The following DIP2C variants were observed in gnomAD, a reference collection of about 807,000 sequenced individuals.
DIP2C encodes the protein DIP2 acetate--CoA ligase C (putative).
DIP2C carries 33 observed loss-of-function variants against 192.4 expected under a neutral mutation model. The ratio of observed to expected loss-of-function variants is 0.17; its 90% CI spans 0.13 to 0.23. The LOEUF is 0.23. Among genes scored for constraint, DIP2C ranks in the 10% least tolerant of loss-of-function variants. The pLI, the probability that DIP2C is intolerant of heterozygous loss-of-function variation, is 1.00. For missense variants in DIP2C, 1,537 were observed against 2,110.1 expected (o/e 0.73, Z 5.32); for synonymous variants, 979 against 864.1 (o/e 1.13, Z -2.33).
At chr10:355,214 G>A (rs1959022304) in intron 24 of DIP2C, among the ~76,000 whole-genome samples, 1 of 152,158 alleles carries the variant, frequency 6.6e-6, no homozygotes, top group Non-Finnish European at 1.5e-5. Context: ...CCTCTTCCTG[G>A]GAAACAGTCT....
rs916397633 is a variant in DIP2C at position 545,677 on chromosome 10, C to G, written c.86-59147G>C. ...GCCTCACAGTCTGCGGTGTCTGTTA[C>G]GGTACCCAGCAGACTGACAAAATGG... On this transcript the variant is annotated intron_variant, in intron 1 of 36. Transcript: ENST00000280886. Among the ~76,000 whole-genome samples the G allele has an allele frequency of 2.0e-5, 3 of 152,178 alleles. No individual in the cohort carries two copies. The South Asian group carries it at 6.2e-4, about 31-fold the overall frequency.
At chr10:327,268 T>A in intron 30 of DIP2C, 92 bp from the exon 31 acceptor site, 1 of 1,438,976 alleles carries the variant, frequency 6.9e-7, no homozygotes, top group Non-Finnish European at 9.2e-7. Context: ...CACGTAAACA[T>A]TGGAAAACTC....
intron 1 of DIP2C, among the ~76,000 whole-genome samples, chr10:576,366 A>G (rs1850157074): frequency 6.6e-6 from 1 of 152,208 alleles, no homozygotes; most frequent in African/African-American, 2.4e-5. Flanking sequence ...CAATGTTAAG[A>G]AGCGTTCAGG....
chr10:524,967 C>CA (rs10652748), intron 1 of DIP2C, among the ~76,000 whole-genome samples: 3,379 of 111,168 alleles, frequency 0.03, 254 homozygotes, highest in African/African-American at 0.1. Context: ...ATCACAATTT[C>CA]AAAAAAAAAA....
chr10:541,499 C>T (rs193038390), intron 1 of DIP2C, among the ~76,000 whole-genome samples: 2 of 135,048 alleles, frequency 1.5e-5, no homozygotes, highest in African/African-American at 5.6e-5. Flanking sequence ...CTGGATCCCA[C>T]AGCATGACCC....
chr10:375,523 T>C (rs1202168457), intron 17 of DIP2C, among the ~76,000 whole-genome samples: 1 of 152,232 alleles, frequency 6.6e-6, no homozygotes, highest in African/African-American at 2.4e-5. Context: ...GACCTTGCAA[T>C]GTGGCCTCAC....
Position 651,376 on chromosome 10 carries a change from A to C in DIP2C, c.85+38118T>G. On this transcript the variant is annotated intron_variant, in intron 1 of 36. Coordinates refer to ENST00000280886, the MANE Select transcript of DIP2C (RefSeq NM_014974.3). This position sits in a 1 kb window ranked among gnomAD's most constrained non-coding sequence, Gnocchi z 4.1. ...CCAGCACTGTGCTCAGGTCCCAGGG[A>C]GGCCCCAGCAAACTGTGGAACAACC... 1.4e-6 allele frequency: 1 copy of C among 701,794 alleles called. No individual in the cohort carries two copies. Among genetic ancestry groups the C allele is most frequent in the Non-Finnish European group, 2.6e-6 (1 of 384,698 alleles). 43.5% of individuals were successfully genotyped at this position (701,794 alleles called of 1,614,324 possible).
chr10:482,890 C>T (rs1843710611), intron 2 of DIP2C, among the ~76,000 whole-genome samples: 3 of 152,306 alleles, frequency 2.0e-5, no homozygotes, highest in East Asian at 1.9e-4. Context: ...AGGGTGAGAG[C>T]GAAGTGGGCA....
chr10:379,317 C>T (rs146646623), intron 17 of DIP2C, among the ~76,000 whole-genome samples: 1 of 151,448 alleles, frequency 6.6e-6, no homozygotes, highest in Non-Finnish European at 1.5e-5. Context: ...GTGCATCCTG[C>T]GTATTTATCA....
intron 1 of DIP2C, among the ~76,000 whole-genome samples, chr10:524,370 C>A (rs1189596193): frequency 1.2e-4 from 19 of 152,198 alleles, no homozygotes; most frequent in Admixed American, 1.2e-3. Flanking sequence ...TATTTAATTA[C>A]CTTCATGGTC....
intron 32 of DIP2C, among the ~76,000 whole-genome samples, chr10:297,603 T>A (rs1292413229): frequency 6.6e-6 from 1 of 152,124 alleles, no homozygotes; most frequent in South Asian, 2.1e-4. Context: ...TTCTCACTCA[T>A]ATGTGGAAGC....
chr10:323,303 C>T (rs1297743186), intron 31 of DIP2C, among the ~76,000 whole-genome samples: 1 of 96,828 alleles, frequency 1.0e-5, no homozygotes, highest in African/African-American at 4.1e-5. Flanking sequence ...TGCGGGGCTC[C>T]AGCGAGAGAC....
intron 1 of DIP2C, among the ~76,000 whole-genome samples, chr10:571,105 G>A (rs1422415044): frequency 1.3e-5 from 2 of 152,258 alleles, no homozygotes; most frequent in Non-Finnish European, 2.9e-5. Context: ...CGACTGCTCT[G>A]TAGAATGGAG....
chr10:624,859 T>C (rs1374772183), intron 1 of DIP2C, among the ~76,000 whole-genome samples: 1 of 150,894 alleles, frequency 6.6e-6, no homozygotes, highest in Non-Finnish European at 1.5e-5. Flanking sequence ...GAGGTGTGCA[T>C]GTGGCCGGGA....
intron 23 of DIP2C, 66 bp from the exon 24 acceptor site, chr10:356,572 G>A (rs1471475080): frequency 1.0e-5 from 14 of 1,379,030 alleles, no homozygotes. Context: ...GGCTGAGGTG[G>A]GGCAACCTGG....
At chr10:421,161 A>C (rs1474905002) in intron 5 of DIP2C, among the ~76,000 whole-genome samples, 1 of 152,176 alleles carries the variant, frequency 6.6e-6, no homozygotes, top group East Asian at 1.9e-4. Context: ...CTTTGTGCCT[A>C]ATTAGAAATT....
intron 3 of DIP2C, among the ~76,000 whole-genome samples, chr10:458,135 C>A (rs1190675392): frequency 6.6e-6 from 1 of 152,226 alleles, no homozygotes; most frequent in Non-Finnish European, 1.5e-5. Flanking sequence ...GCAGCTCCCA[C>A]CAGACAGAGC....
chr10:283,195 G>T lies in DIP2C; in HGVS notation c.4294+77C>A, dbSNP rs1589380829. 20 of 1,536,724 alleles carry T rather than the reference G, an allele frequency of 1.3e-5. No individual in the cohort carries two copies. In the South Asian group the frequency reaches 2.3e-4, roughly 18 times the overall value. Reference sequence around the variant, plus strand: ...CTGGCTTTGGCTGCTGTAAACCTTGGGAAAGGCTTCTGTATCTACAGGAGC... The same window carrying T: ...CTGGCTTTGGCTGCTGTAAACCTTGTGAAAGGCTTCTGTATCTACAGGAGC... On this transcript the variant is annotated intron_variant, in intron 35 of 36. Coordinates refer to ENST00000280886, the MANE Select transcript of DIP2C (RefSeq NM_014974.3).
At chr10:550,795 CAGGAAGCAACA>C (rs1362040318) in intron 1 of DIP2C, among the ~76,000 whole-genome samples, 1 of 152,232 alleles carries the variant, frequency 6.6e-6, no homozygotes, top group Non-Finnish European at 1.5e-5. Flanking sequence ...ATCCCTTGAC[CAGGAAGCAACA>C]GGGAAGCAAG....
Sources: gnomAD v4.1 joint callset for allele counts (sites outside exome capture counted in the v4.1 genomes callset) on GRCh38, gnomAD v4.1.1 for gene constraint, Gnocchi (gnomAD v3.1) non-coding constraint, MANE v1.5 for transcripts, NCBI Gene and HGNC (gene_info 2026-07-23, HGNC 2026-07-21) for gene names.